Variants in PLEKHF1 observed in about 807,000 individuals in gnomAD.
PLEKHF1 encodes pleckstrin homology domain-containing family F member 1.
In PLEKHF1, 1 loss-of-function variant was observed where a neutral mutation model predicts 4.1. The observed-to-expected ratio is 0.24, with a 90% CI of 0.09 to 1.15. PLEKHF1 has a LOEUF of 1.15. Among genes scored for constraint, PLEKHF1 ranks in the 50% most tolerant of loss-of-function variants. The pLI is 0.52. For missense variants in PLEKHF1, 429 were observed against 400.6 expected (o/e 1.07, Z -0.60); for synonymous variants, 182 against 178.5 (o/e 1.02, Z -0.16).
rs953493095 is a variant in PLEKHF1, at chr19:29,671,600, T to TA, written c.-16-2222dup. Among the ~76,000 whole-genome samples the TA allele has an allele frequency of 2.6e-5, 4 of 152,184 alleles. No homozygotes were observed. The highest frequency in any genetic ancestry group is 9.7e-5 in the African/African-American group (4 of 41,446). ...TGGGACAGGTCAGTTCTGTCACTGG[T>TA]AATCCCCTAGGTTTGCAGTATACAG... On this transcript the variant is annotated intron_variant, in intron 1 of 1. Transcript: ENST00000436066. The surrounding 1 kb of genome is among the most constrained non-coding windows in gnomAD (Gnocchi z 4.0).
intron 1 of PLEKHF1, among the ~76,000 whole-genome samples, chr19:29,670,027 G>A (rs1971612590): frequency 1.3e-5 from 2 of 152,048 alleles, no homozygotes; most frequent in Non-Finnish European, 2.9e-5. Flanking sequence ...TACTTCCTAG[G>A]TTCAAGTGAT....
Position 29,674,643 on chromosome 19 carries a change from C to T in PLEKHF1, c.804C>T (p.Tyr268=), listed in dbSNP as rs1020764458. 2.9e-5 allele frequency: 47 copies of T among 1,609,768 alleles called. No homozygotes were observed. Among genetic ancestry groups the T allele is most frequent in the Non-Finnish European group, 3.7e-5 (44 of 1,178,876 alleles). The part of the protein sequence containing the change: ...DGDWPSSVEF[Y]ASGVAWSAFH... The stretch of plus-strand genomic sequence containing the variant: ...ACTGGCCCAGCAGCGTGGAGTTCTA[C>T]GCCTCGGGGGTGGCCTGGTCTGCCT... Residue 268 remains tyrosine (Y), a synonymous_variant, in exon 2 of 2, where the codon TAC becomes TAT. Transcript: ENST00000436066.
rs1367926295 is a variant in PLEKHF1, at chr19:29,674,255, G to A, written c.416G>A (p.Arg139His). The A allele has an allele frequency of 6.2e-7, 1 of 1,607,012 alleles. No homozygotes were observed. The change falls in exon 2 of 2, where the codon CGC becomes CAC. Residue 139 changes from arginine (R) to histidine (H), a missense_variant. Transcript: ENST00000436066. ...CGGCGGCAACTGAGGGCCACGGGCCGCCCGCCCAGCACGGAGCACGCGGCA... is the reference window on the plus strand; with the variant it reads ...CGGCGGCAACTGAGGGCCACGGGCCACCCGCCCAGCACGGAGCACGCGGCA... ...CVRRQLRATG[R>H]PPSTEHAAPW...
intron 1 of PLEKHF1, among the ~76,000 whole-genome samples, chr19:29,673,185 G>A (rs2145589803): frequency 6.6e-6 from 1 of 152,290 alleles, no homozygotes; most frequent in Middle Eastern, 3.4e-3. Flanking sequence ...CACTTCCTGG[G>A]TGGTTGCGTG....
At chr19:29,665,664 A>G (rs1971560627) in intron 1 of PLEKHF1, 159 bp downstream of exon 1, 6 of 1,130,878 alleles carry the variant, frequency 5.3e-6, no homozygotes, top group Non-Finnish European at 6.6e-6. Context: ...CTCCAGCCCA[A>G]GAAGAGGCCT....
At chr19:29,666,927 C>T (rs1971575874) in intron 1 of PLEKHF1, 1 of 152,268 alleles carries the variant, frequency 6.6e-6, no homozygotes, top group South Asian at 2.1e-4. Flanking sequence ...GGACAGAGCC[C>T]AGGGGCGGCC....
At chr19:29,672,651 A>T (rs896894124) in intron 1 of PLEKHF1, among the ~76,000 whole-genome samples, 8 of 152,188 alleles carry the variant, frequency 5.3e-5, no homozygotes, top group African/African-American at 1.9e-4. Flanking sequence ...GGGAGATTCA[A>T]GGATGTGTCC....
At chr19:29,673,369 A>T (rs1864224) in intron 1 of PLEKHF1, among the ~76,000 whole-genome samples, 51,712 of 151,210 alleles carry the variant, frequency 0.34, 10,698 homozygotes, top group African/African-American at 0.58. Context: ...TGCTGCCCAC[A>T]GTAGTAGCCG....
chr19:29,673,919 A>G lies in PLEKHF1; in HGVS notation c.80A>G (p.Gln27Arg). Residue 27 changes from glutamine to arginine, a missense_variant, in exon 2 of 2, where the codon CAG becomes CGG. Gln to Arg is a conservative substitution (Grantham distance 43). Transcript: ENST00000436066. Reference protein sequence around the residue: ...AVESCFGASGQPLALPGRVLL... With the variant: ...AVESCFGASGRPLALPGRVLL... ...GAGAGCTGCTTCGGGGCCTCGGGGC[A>G]GCCGCTGGCGCTGCCAGGCCGAGTG... The G allele has an allele frequency of 3.1e-6, 5 of 1,612,936 alleles. No individual in the cohort carries two copies. Among genetic ancestry groups the G allele is most frequent in the Non-Finnish European group, 4.2e-6 (5 of 1,179,530 alleles).
chr19:29,674,429 C>G lies in PLEKHF1; in HGVS notation c.590C>G (p.Ser197Cys). ...CAGCGCTTCCTGCTCCCGCGCCTGT[C>G]CCCCAAGCCCGTGCGCGTCTGCAGC... ...SRQRFLLPRL[S>C]PKPVRVCSLC... The change falls in exon 2 of 2, where the codon TCC (serine) becomes TGC (cysteine). Residue 197 changes from serine (S) to cysteine (C), a missense_variant. Ser to Cys is a moderately radical substitution (Grantham distance 112). Coordinates refer to ENST00000436066, the MANE Select transcript of PLEKHF1 (RefSeq NM_024310.5). 6.5e-7 allele frequency: 1 copy of G among 1,530,696 alleles called. No homozygotes were observed. Among genetic ancestry groups the G allele is most frequent in the Non-Finnish European group, 8.8e-7 (1 of 1,142,172 alleles). 94.8% of individuals were successfully genotyped at this position (1,530,696 alleles called of 1,614,324 possible).
chr19:29,673,767 G>A (rs1971657035), intron 1 of PLEKHF1, 57 bp from the exon 2 acceptor site: 9 of 1,546,584 alleles, frequency 5.8e-6, no homozygotes, highest in African/African-American at 1.4e-5. Flanking sequence ...GGGCAGCGTG[G>A]TTCTGACACC....
At chr19:29,672,191 G>T (rs75700715) in intron 1 of PLEKHF1, among the ~76,000 whole-genome samples, 3,587 of 152,250 alleles carry the variant, frequency 0.024, 58 homozygotes, top group South Asian at 0.033. Context: ...GAAGTGGCCA[G>T]CAGACCTTTT....
Position 29,674,472 on chromosome 19 carries a change from G to C in PLEKHF1, c.633G>C (p.Leu211=). 2 of 1,541,998 alleles carry C rather than the reference G, an allele frequency of 1.3e-6. No homozygotes were observed. Among genetic ancestry groups the C allele is most frequent in the Non-Finnish European group, 8.7e-7 (1 of 1,147,170 alleles). Residue 211 remains leucine (L), a synonymous_variant, in exon 2 of 2, where the codon CTG becomes CTC. Transcript: ENST00000436066. The part of the protein sequence containing the change: ...VRVCSLCYRE[L]AAQQRQEEAE... Reference sequence around the variant, plus strand: ...TCTGCAGCCTCTGCTACCGCGAACTGGCCGCCCAGCAGCGGCAGGAGGAGG... The same window carrying C: ...TCTGCAGCCTCTGCTACCGCGAACTCGCCGCCCAGCAGCGGCAGGAGGAGG...
chr19:29,670,696 G>C (rs1279363093), intron 1 of PLEKHF1, among the ~76,000 whole-genome samples: 2 of 133,138 alleles, frequency 1.5e-5, no homozygotes, highest in Non-Finnish European at 3.2e-5. Context: ...TTTTTTTTTT[G>C]AGACGGAGTC....
At position 29,674,520 on chromosome 19, in the gene PLEKHF1, C is replaced by T; in HGVS notation, c.681C>T (p.Ser227=). Residue 227 remains serine, a synonymous_variant, in exon 2 of 2, where the codon TCC becomes TCT. Transcript: ENST00000436066. Reference sequence around the variant, plus strand: ...AGGCGGAGGAGCAGGGCGCGGGGTCCCCAGGGCAGCCAGCCCACCTGGCCC... The same window carrying T: ...AGGCGGAGGAGCAGGGCGCGGGGTCTCCAGGGCAGCCAGCCCACCTGGCCC... ...QEEAEEQGAG[S]PGQPAHLARP... The T allele has an allele frequency of 6.4e-7, 1 of 1,572,454 alleles. No homozygotes were observed. Among genetic ancestry groups the T allele is most frequent in the Non-Finnish European group, 8.6e-7 (1 of 1,161,584 alleles).
intron 1 of PLEKHF1, among the ~76,000 whole-genome samples, chr19:29,668,730 A>T (rs1188706297): frequency 6.6e-6 from 1 of 152,020 alleles, no homozygotes; most frequent in African/African-American, 2.4e-5. Context: ...AGAAAAAAAA[A>T]AAAAAGAAAG....
Position 29,674,590 on chromosome 19 carries a change from G to C in PLEKHF1, c.751G>C (p.Glu251Gln). The C allele has an allele frequency of 6.2e-7, 1 of 1,605,972 alleles. No homozygotes were observed. The highest frequency in any genetic ancestry group is 8.5e-7 in the Non-Finnish European group (1 of 1,176,992). The change falls in exon 2 of 2, where the codon GAG becomes CAG. Residue 251 changes from glutamate to glutamine, a missense_variant. Physicochemically the swap from Glu to Gln is conservative, Grantham distance 29. Coordinates refer to ENST00000436066, the MANE Select transcript of PLEKHF1 (RefSeq NM_024310.5). ...CAGTGGAGATGACGATGACTCCGAC[G>C]AGGACAAGGAGGGCAGCAGGGACGG... ...ASSGDDDDSD[E>Q]DKEGSRDGDW...
rs1486589107 is a variant in PLEKHF1, at chr19:29,671,209, C to T, written c.-16-2615C>T. ...CTGCTTCCTGGGTTCAAGCGATTCT[C>T]CTGCCTCCGCCTCCCGAGTAGCTGG... On this transcript the variant is annotated intron_variant, in intron 1 of 1. Coordinates refer to ENST00000436066, the MANE Select transcript of PLEKHF1 (RefSeq NM_024310.5). This position sits in a 1 kb window ranked among gnomAD's most constrained non-coding sequence, Gnocchi z 4.0. Among the ~76,000 whole-genome samples, 2 of 151,810 alleles carry T rather than the reference C, an allele frequency of 1.3e-5. No homozygotes were observed. The highest frequency in any genetic ancestry group is 2.4e-5 in the African/African-American group (1 of 41,278).
rs574054051 is a variant in PLEKHF1 at position 29,666,207 on chromosome 19, C to T, written c.-17+702C>T. Among the ~76,000 whole-genome samples, 24 of 152,216 alleles carry T rather than the reference C, an allele frequency of 1.6e-4. No homozygotes were observed. In the East Asian group the frequency reaches 4.4e-3, roughly 28 times the overall value. ...GGGAAAGCAGAGAGGTTCCGAGCCACGCTGAAACTTGATCTCTGCAGCCCA... is the reference window on the plus strand; with the variant it reads ...GGGAAAGCAGAGAGGTTCCGAGCCATGCTGAAACTTGATCTCTGCAGCCCA... On this transcript the variant is annotated intron_variant, in intron 1 of 1. Transcript: ENST00000436066.
Sources: allele counts gnomAD v4.1 joint callset (sites outside exome capture counted in the v4.1 genomes callset), GRCh38; gene constraint gnomAD v4.1.1; non-coding constraint Gnocchi (gnomAD v3.1); transcripts MANE v1.5; gene names NCBI Gene and HGNC (gene_info 2026-07-23, HGNC 2026-07-21).